Variants in NRG3 observed in about 807,000 individuals in gnomAD.
NRG3 encodes neuregulin 3.
Under a neutral mutation model 66.9 loss-of-function variants are expected in NRG3, and 31 were observed. The observed-to-expected ratio is 0.46, with a 90% CI of 0.35 to 0.63. NRG3 has a LOEUF of 0.63. Among genes scored for constraint, NRG3 ranks in the 20% least tolerant of loss-of-function variants. NRG3 has a pLI of 0.00. For missense variants in NRG3, 910 were observed against 878.9 expected, an observed-to-expected ratio of 1.04 and a Z score of -0.45; for synonymous variants, 393 against 359.4, an observed-to-expected ratio of 1.09 and a Z score of -1.06.
At chr10:82,634,316 C>T (rs576304670) in intron 2 of NRG3, among the ~76,000 whole-genome samples, 1 of 152,116 alleles carries the variant, frequency 6.6e-6, no homozygotes, top group South Asian at 2.1e-4. Context: ...CAAGGCAAGG[C>T]TTGATAATGT....
At chr10:82,804,312 A>C (rs187628278) in intron 3 of NRG3, among the ~76,000 whole-genome samples, 264 of 152,336 alleles carry the variant, frequency 1.7e-3, no homozygotes, top group Non-Finnish European at 2.9e-3. Flanking sequence ...GAAGAAGGCA[A>C]AAGAAATTCA....
chr10:82,895,712 G>C (rs1363711536), intron 4 of NRG3, among the ~76,000 whole-genome samples: 2 of 152,000 alleles, frequency 1.3e-5, no homozygotes, highest in Non-Finnish European at 2.9e-5. Context: ...GGATGGTCTC[G>C]ATCTCCTCAC....
intron 1 of NRG3, among the ~76,000 whole-genome samples, chr10:81,913,584 C>T (rs1382137141): frequency 6.6e-6 from 1 of 152,024 alleles, no homozygotes; most frequent in Non-Finnish European, 1.5e-5. Context: ...CCATCAGGCC[C>T]AGCTAATTTT....
At chr10:82,736,955 A>G (rs1264811268) in intron 2 of NRG3, among the ~76,000 whole-genome samples, 1 of 152,220 alleles carries the variant, frequency 6.6e-6, no homozygotes, top group African/African-American at 2.4e-5. Flanking sequence ...TGAAAATGAA[A>G]GCACCATGGT....
intron 3 of NRG3, among the ~76,000 whole-genome samples, chr10:82,775,862 T>C (rs576671909): frequency 1.3e-5 from 2 of 152,280 alleles, no homozygotes; most frequent in East Asian, 3.9e-4. Flanking sequence ...ACTTTTGTTG[T>C]CACAATTTAC....
Position 82,202,433 on chromosome 10 carries a change from A to T in NRG3, c.824-156306A>T, listed in dbSNP as rs150716941. 1.5e-3 allele frequency among the ~76,000 whole-genome samples: 228 copies of T among 152,344 alleles called. 1 individual carries two copies. The highest frequency in any genetic ancestry group is 5.3e-3 in the African/African-American group (219 of 41,588). On this transcript the variant is annotated intron_variant, in intron 1 of 8. Transcript: ENST00000372141. ...ATTTGGGAAACTGAAGGCAAAAAAA[A>T]TCCAAAGTCCAAAGCGTGCGTAAGA...
intron 3 of NRG3, among the ~76,000 whole-genome samples, chr10:82,800,405 T>C (rs2060987122): frequency 6.6e-6 from 1 of 152,036 alleles, no homozygotes; most frequent in Non-Finnish European, 1.5e-5. Context: ...AAGGGAAACA[T>C]ATTCAACCAC....
intron 3 of NRG3, among the ~76,000 whole-genome samples, chr10:82,852,400 T>A (rs2063603309): frequency 6.6e-6 from 1 of 152,032 alleles, no homozygotes; most frequent in Non-Finnish European, 1.5e-5. Context: ...CCATGGCACA[T>A]GTAAACCTAT....
At position 82,791,311 on chromosome 10, in the gene NRG3, GT is replaced by G. The variant is rs796610593; in HGVS notation, c.1027+52670del. On this transcript the variant is annotated intron_variant, in intron 3 of 8. Transcript: ENST00000372141. ...GATGTTTATTGCTGTTTTTTTTTTG[GT>G]TTTTTTTTCATTTTTGGTAACTTTC... is the stretch of plus-strand genomic sequence containing the variant. Among the ~76,000 whole-genome samples, 68 of 147,062 alleles carry G rather than the reference GT, an allele frequency of 4.6e-4. 1 individual carries two copies. In the East Asian group the frequency reaches 8.7e-3, roughly 19 times the overall value.
intron 2 of NRG3, among the ~76,000 whole-genome samples, chr10:82,691,213 C>T (rs1331066226): frequency 6.6e-6 from 1 of 152,158 alleles, no homozygotes; most frequent in East Asian, 1.9e-4. Flanking sequence ...CAAGTCCCTA[C>T]CCCACTCTCT....
intron 2 of NRG3, among the ~76,000 whole-genome samples, chr10:82,643,689 T>C (rs981581453): frequency 1.5e-4 from 23 of 152,136 alleles, no homozygotes; most frequent in Admixed American, 6.6e-5. Flanking sequence ...ACACTGATTA[T>C]TAAATAGTCT....
At chr10:82,611,418 G>A (rs2048305449) in intron 2 of NRG3, among the ~76,000 whole-genome samples, 1 of 151,808 alleles carries the variant, frequency 6.6e-6, no homozygotes, top group Non-Finnish European at 1.5e-5. Context: ...CCCTCCCCCA[G>A]CCCCTCCACC....
chr10:82,113,420 G>A (rs553148371), intron 1 of NRG3, among the ~76,000 whole-genome samples: 1 of 152,118 alleles, frequency 6.6e-6, no homozygotes, highest in Admixed American at 6.6e-5. Flanking sequence ...AATTCTAACT[G>A]TGTGTTCAGA....
chr10:82,474,651 A>G (rs1449558254), intron 2 of NRG3, among the ~76,000 whole-genome samples: 3 of 152,188 alleles, frequency 2.0e-5, no homozygotes, highest in Non-Finnish European at 4.4e-5. Flanking sequence ...CAATGTATGT[A>G]CTACAGGAGT....
intron 4 of NRG3, among the ~76,000 whole-genome samples, chr10:82,888,328 C>A (rs1028402619): frequency 6.6e-6 from 1 of 152,120 alleles, no homozygotes; most frequent in African/African-American, 2.4e-5. Flanking sequence ...GACAGAATTC[C>A]ATGATCAAAT....
At chr10:82,745,608 A>G (rs1219107316) in intron 3 of NRG3, among the ~76,000 whole-genome samples, 2 of 152,176 alleles carry the variant, frequency 1.3e-5, no homozygotes, top group African/African-American at 2.4e-5. Context: ...CCATGTCACC[A>G]TGAATCTCAC....
intron 1 of NRG3, among the ~76,000 whole-genome samples, chr10:82,150,124 G>T (rs1046351577): frequency 1.3e-4 from 20 of 152,044 alleles, no homozygotes; most frequent in Admixed American, 3.3e-4. Context: ...GCAACTAAAG[G>T]ATTAACAGGA....
chr10:82,829,028 TTTTG>T (rs1256085534), intron 3 of NRG3, among the ~76,000 whole-genome samples: 1 of 152,146 alleles, frequency 6.6e-6, no homozygotes, highest in African/African-American at 2.4e-5. Context: ...TTTAAAGCCT[TTTTG>T]TTTGTTTGTT....
chr10:82,710,303 T>C (rs1398614548), intron 2 of NRG3, among the ~76,000 whole-genome samples: 3 of 152,156 alleles, frequency 2.0e-5, no homozygotes, highest in Admixed American at 2.0e-4. Flanking sequence ...AATTGATTTC[T>C]GGCTGGGCTC....
Sources: gnomAD v4.1 joint callset for allele counts (sites outside exome capture counted in the v4.1 genomes callset) on GRCh38, gnomAD v4.1.1 for gene constraint, MANE v1.5 for transcripts, NCBI Gene and HGNC (gene_info 2026-07-23, HGNC 2026-07-21) for gene names.